Variants in DSCAM observed in about 807,000 individuals in gnomAD.
DSCAM encodes cell adhesion molecule DSCAM.
DSCAM carries 47 observed loss-of-function variants against 217.7 expected under a neutral mutation model. The observed-to-expected ratio is 0.22, with a 90% CI of 0.17 to 0.28. DSCAM has a LOEUF of 0.28. Ranked by LOEUF, DSCAM falls within the 10% of genes least tolerant of loss-of-function variation. The pLI is 1.00. For synonymous variants in DSCAM, 1,056 were observed against 1,015.3 expected (o/e 1.04, Z -0.76); for missense variants, 2,080 against 2,618.3 (o/e 0.79, Z 4.49).
At chr21:40,830,163 T>C (rs2092001049) in intron 1 of DSCAM, among the ~76,000 whole-genome samples, 1 of 152,216 alleles carries the variant, frequency 6.6e-6, no homozygotes, top group African/African-American at 2.4e-5. Context: ...AGCCTGGTGC[T>C]GGCATCTACT....
chr21:40,377,868 T>C (rs1285789310), intron 3 of DSCAM, among the ~76,000 whole-genome samples: 1 of 152,190 alleles, frequency 6.6e-6, no homozygotes, highest in African/African-American at 2.4e-5. Context: ...CCTATTGCCA[T>C]AGCCTTGAGT....
intron 11 of DSCAM, among the ~76,000 whole-genome samples, chr21:40,195,377 G>C (rs2090996831): frequency 6.6e-6 from 1 of 152,186 alleles, no homozygotes; most frequent in Non-Finnish European, 1.5e-5. Flanking sequence ...GAAAACAGGA[G>C]AAAGTACCAA....
chr21:40,441,303 C>G (rs2075628107), intron 3 of DSCAM, among the ~76,000 whole-genome samples: 1 of 152,116 alleles, frequency 6.6e-6, no homozygotes. Context: ...ATCCTGTAGT[C>G]TTCTTGTAAG....
chr21:40,694,471 G>A (rs1020138829), intron 2 of DSCAM, among the ~76,000 whole-genome samples: 7 of 152,114 alleles, frequency 4.6e-5, no homozygotes, highest in South Asian at 4.1e-4. Flanking sequence ...TGTTAAGGTC[G>A]GGCTAACCTT....
chr21:40,182,644 A>G (rs867446918), intron 14 of DSCAM, among the ~76,000 whole-genome samples: 686 of 50,960 alleles, frequency 0.013, 9 homozygotes, highest in African/African-American at 0.047. Context: ...CGTGGACAGG[A>G]GGGGGTTACC....
chr21:40,628,552 CAG>C (rs778899077), intron 3 of DSCAM, among the ~76,000 whole-genome samples: 242 of 152,244 alleles, frequency 1.6e-3, no homozygotes, highest in African/African-American at 5.0e-3. Context: ...ACTGCAGTGG[CAG>C]AGTTATGTAG....
rs566956193 is a variant in DSCAM, at chr21:40,373,342, C to T, written c.509-4097G>A. Among the ~76,000 whole-genome samples, 23 of 152,250 alleles carry T rather than the reference C, an allele frequency of 1.5e-4. No homozygotes were observed. In the South Asian group the frequency reaches 1.7e-3, roughly 11 times the overall value. On this transcript the variant is annotated intron_variant, in intron 3 of 32. Transcript: ENST00000400454. The stretch of plus-strand genomic sequence containing the variant: ...AACAGAGCCAAGTGATGCACCCATT[C>T]GTTGGACCAGCACTGTCCTAGGCTC...
intron 3 of DSCAM, among the ~76,000 whole-genome samples, chr21:40,583,962 G>A (rs1297286764): frequency 3.3e-5 from 5 of 151,508 alleles, no homozygotes; most frequent in East Asian, 1.9e-4. Context: ...ATTCAGTGGC[G>A]TTTTTCTGTA....
chr21:40,159,622 C>T (rs1601396523), intron 16 of DSCAM, among the ~76,000 whole-genome samples: 1 of 152,200 alleles, frequency 6.6e-6, no homozygotes. Context: ...TGCTCTGCCA[C>T]TCAGGCTAGA....
chr21:40,211,543 A>G (rs1179074985), intron 11 of DSCAM, among the ~76,000 whole-genome samples: 2 of 152,228 alleles, frequency 1.3e-5, no homozygotes, highest in African/African-American at 4.8e-5. Context: ...CTTTGCCAGC[A>G]TGTGGCGTTA....
rs2089700836 is a variant in DSCAM at position 40,097,960 on chromosome 21, AAGAAAGAAAG to A, written c.3697-4096_3697-4087del. On this transcript the variant is annotated intron_variant, in intron 20 of 32. Transcript: ENST00000400454. Reference sequence around the variant, plus strand: ...TGTCTCAAAAAAAAAAAAAAAAAGAAAGAAAGAAAGAAAGAAAGAAAGAAAGAAAGAAAGA... The same window carrying A: ...TGTCTCAAAAAAAAAAAAAAAAAGAAAAAGAAAGAAAGAAAGAAAGAAAGA... 8.2e-4 allele frequency among the ~76,000 whole-genome samples: 37 copies of A among 44,856 alleles called. 2 individuals carry two copies. The highest frequency in any genetic ancestry group is 3.4e-3 in the African/African-American group (28 of 8,318). 29.4% of individuals were successfully genotyped at this position (44,856 alleles called of 152,430 possible).
chr21:40,433,174 C>G (rs1254415934), intron 3 of DSCAM, among the ~76,000 whole-genome samples: 1 of 151,782 alleles, frequency 6.6e-6, no homozygotes, highest in South Asian at 2.1e-4. Flanking sequence ...CTGGCCAACA[C>G]GGTGAAACCC....
At chr21:40,742,329 A>G (rs761881055) in intron 1 of DSCAM, among the ~76,000 whole-genome samples, 1 of 152,112 alleles carries the variant, frequency 6.6e-6, no homozygotes, top group Non-Finnish European at 1.5e-5. Flanking sequence ...TAATTTTTGT[A>G]TGTTGATTTT....
intron 3 of DSCAM, among the ~76,000 whole-genome samples, chr21:40,494,488 G>A (rs1036561605): frequency 4.6e-5 from 7 of 152,128 alleles, no homozygotes; most frequent in Non-Finnish European, 8.8e-5. Flanking sequence ...GTTCCTGAAT[G>A]ATCAATGGGT....
rs566506561 is a variant in DSCAM at position 40,794,789 on chromosome 21, C to T, written c.43+51830G>A. Reference sequence around the variant, plus strand: ...TTATACTATTCACAACACAATCTCTCGGCTCCAGTTGAATGCATTACCTCC... The same window carrying T: ...TTATACTATTCACAACACAATCTCTTGGCTCCAGTTGAATGCATTACCTCC... On this transcript the variant is annotated intron_variant, in intron 1 of 32. Transcript: ENST00000400454. 1.5e-3 allele frequency among the ~76,000 whole-genome samples: 220 copies of T among 151,122 alleles called. 1 individual carries two copies. The highest frequency in any genetic ancestry group is 3.5e-3 in the Middle Eastern group (1 of 286).
intron 3 of DSCAM, among the ~76,000 whole-genome samples, chr21:40,641,276 C>T (rs947645589): frequency 3.9e-5 from 6 of 151,902 alleles, no homozygotes; most frequent in Non-Finnish European, 7.4e-5. Context: ...GGGTGGTGGA[C>T]GTTTAAATCT....
intron 3 of DSCAM, among the ~76,000 whole-genome samples, chr21:40,560,906 TA>T (rs1228296971): frequency 6.6e-6 from 1 of 152,154 alleles, no homozygotes; most frequent in Non-Finnish European, 1.5e-5. Context: ...CACACCACGG[TA>T]AAGCCAAATA....
At chr21:40,335,324 T>G (rs1024882346) in intron 8 of DSCAM, among the ~76,000 whole-genome samples, 11 of 152,180 alleles carry the variant, frequency 7.2e-5, no homozygotes, top group Admixed American at 6.5e-4. Flanking sequence ...TGATAAGTAT[T>G]CAGAAGAAAA....
intron 3 of DSCAM, among the ~76,000 whole-genome samples, chr21:40,617,239 T>C (rs1256866515): frequency 6.9e-6 from 1 of 145,324 alleles, no homozygotes; most frequent in Non-Finnish European, 1.5e-5. Flanking sequence ...TTCTCCTGCC[T>C]CAGCCTCCTG....
Sources: gnomAD v4.1 joint callset for allele counts (sites outside exome capture counted in the v4.1 genomes callset) on GRCh38, gnomAD v4.1.1 for gene constraint, MANE v1.5 for transcripts, NCBI Gene and HGNC (gene_info 2026-07-23, HGNC 2026-07-21) for gene names.